PGR: variants seen among roughly 807,000 people sequenced by gnomAD.
PGR encodes the protein progesterone receptor, also known as nuclear receptor subfamily 3 group C member 3.
Under a neutral mutation model 76.1 loss-of-function variants are expected in PGR, and 25 were observed. The observed-to-expected ratio is 0.33, with a 90% CI of 0.24 to 0.46. PGR has a LOEUF of 0.46. Among genes scored for constraint, PGR ranks in the 20% least tolerant of loss-of-function variants. PGR has a pLI of 1.00. For synonymous variants in PGR, 579 were observed against 535.0 expected (o/e 1.08, Z -1.14); for missense variants, 1,172 against 1,225.3 (o/e 0.96, Z 0.65).
chr11:101,077,721 A>G (rs1861173635), intron 3 of PGR, among the ~76,000 whole-genome samples: 2 of 152,212 alleles, frequency 1.3e-5, no homozygotes, highest in African/African-American at 4.8e-5. Context: ...CATGTGTGAG[A>G]TGGTGTTTAG....
chr11:101,029,868 T>C lies in PGR; in HGVS notation c.*9248A>G, dbSNP rs1386285996. On this transcript the variant is annotated 3_prime_UTR_variant, in exon 8 of 8. Transcript: ENST00000325455. ...GCATATTAGCTTGAAAATAAGTATA[T>C]GATGATGATATTAGGTGCCCACTAG... The C allele has an allele frequency of 1.8e-5, 4 of 222,236 alleles. No homozygotes were observed. Among genetic ancestry groups the C allele is most frequent in the African/African-American group, 2.2e-5 (1 of 44,758 alleles). The allele number at this position is 222,236 out of a possible 1,614,324, so 13.8% of individuals were successfully genotyped here. A position where few individuals can be genotyped will look rare whatever the true frequency, so the allele number is the denominator to read the frequency against.
intron 4 of PGR, among the ~76,000 whole-genome samples, chr11:101,060,714 T>A (rs1378783399): frequency 2.0e-5 from 3 of 152,182 alleles, no homozygotes; most frequent in East Asian, 1.9e-4. Flanking sequence ...GAGACTTTGA[T>A]AATCTCAATG....
At chr11:101,075,568 C>T (rs1366758374) in intron 3 of PGR, among the ~76,000 whole-genome samples, 1 of 150,678 alleles carries the variant, frequency 6.6e-6, no homozygotes, top group Non-Finnish European at 1.5e-5. Context: ...TGCAATTTAT[C>T]CATCTAACAA....
Position 101,039,199 on chromosome 11 carries a change from C to T in PGR, c.2719G>A (p.Glu907Lys), listed in dbSNP as rs763952401. 2 of 1,611,540 alleles carry T rather than the reference C, an allele frequency of 1.2e-6. No individual in the cohort carries two copies. Among genetic ancestry groups the T allele is most frequent in the Non-Finnish European group, 1.7e-6 (2 of 1,178,138 alleles). Residue 907 changes from glutamate to lysine, a missense_variant, in exon 8 of 8, where the codon GAA (glutamate) becomes AAA (lysine). Glu to Lys is a moderately conservative substitution (Grantham distance 56). Transcript: ENST00000325455. ...GCAGCAATAACTTCAGACATCATTT[C>T]TGGAAATTCAACACTCAGTGCCCGG... Reference protein sequence around the residue: ...QSRALSVEFPEMMSEVIAAQL... With the variant: ...QSRALSVEFPKMMSEVIAAQL...
At chr11:101,083,227 G>A (rs1861368867) in intron 3 of PGR, among the ~76,000 whole-genome samples, 1 of 152,236 alleles carries the variant, frequency 6.6e-6, no homozygotes. Context: ...CGGGTATGAA[G>A]AAGGCAAGAG....
chr11:101,046,126 T>C (rs943284125), intron 6 of PGR, among the ~76,000 whole-genome samples: 2 of 150,494 alleles, frequency 1.3e-5, no homozygotes, highest in East Asian at 3.9e-4. Flanking sequence ...TATTTATTTA[T>C]TTATTTATTT....
chr11:101,127,628 C>G lies in PGR; in HGVS notation c.1443G>C (p.Lys481Asn). 1 of 1,339,936 alleles carries G rather than the reference C, an allele frequency of 7.5e-7. No individual in the cohort carries two copies. Among genetic ancestry groups the G allele is most frequent in the Non-Finnish European group, 9.5e-7 (1 of 1,053,986 alleles). The allele number at this position is 1,339,936 out of a possible 1,614,324, so 83.0% of individuals were successfully genotyped here. A position where few individuals can be genotyped will look rare whatever the true frequency, so the allele number is the denominator to read the frequency against. ...GCAGGCAGCCGCTCGCGCCCGGCGC[C>G]TTGCAGGGCGGCGGCGCGAACGGGC... ...QQGPFAPPPC[K>N]APGASGCLLP... is the part of the protein sequence containing the mutation. Residue 481 changes from lysine to asparagine, a missense_variant, in exon 1 of 8, where the codon AAG (lysine) becomes AAC (asparagine). By Grantham distance (94) the Lys-to-Asn change is moderately conservative (BLOSUM62 0). Around this residue, in one of 4 missense-constraint regions of PGR, gnomAD observed 893 missense variants for 785.9 expected, o/e 1.14. Coordinates refer to ENST00000325455, the MANE Select transcript of PGR (RefSeq NM_000926.4).
Position 101,038,961 on chromosome 11 carries a change from T to C in PGR, c.*155A>G. On this transcript the variant is annotated 3_prime_UTR_variant, in exon 8 of 8. Coordinates refer to ENST00000325455, the MANE Select transcript of PGR (RefSeq NM_000926.4). ...ATTATACTTTATAAAAGAAAATAAT[T>C]AGAACCTCACAATTTTTCTTTTAAA... 2 of 574,134 alleles carry C rather than the reference T, an allele frequency of 3.5e-6. No individual in the cohort carries two copies. The highest frequency in any genetic ancestry group is 2.9e-5 in the East Asian group (1 of 34,910). The allele number at this position is 574,134 out of a possible 1,614,324, so 35.6% of individuals were successfully genotyped here. A position where few individuals can be genotyped will look rare whatever the true frequency, so the allele number is the denominator to read the frequency against.
chr11:101,099,896 C>G (rs1346357287), intron 2 of PGR, among the ~76,000 whole-genome samples: 1 of 152,202 alleles, frequency 6.6e-6, no homozygotes. Context: ...GGGTCAAAAT[C>G]AGCTGTCATT....
intron 5 of PGR, chr11:101,050,952 GA>G: frequency 4.0e-6 from 1 of 249,508 alleles, no homozygotes. Flanking sequence ...ATATTACCAT[GA>G]AAAGATTCTT....
At position 101,032,244 on chromosome 11, in the gene PGR, C is replaced by A. The variant is rs985892327; in HGVS notation, c.*6872G>T. 2.6e-5 allele frequency: 6 copies of A among 232,852 alleles called. No homozygotes were observed. The highest frequency in any genetic ancestry group is 5.1e-5 in the Non-Finnish European group (6 of 117,904). The allele number at this position is 232,852 out of a possible 1,614,324, so 14.4% of individuals were successfully genotyped here. On this transcript the variant is annotated 3_prime_UTR_variant, in exon 8 of 8. Transcript: ENST00000325455. The stretch of plus-strand genomic sequence containing the variant: ...TTAGAGAGGAGGTCATGATCACCTA[C>A]AATTCTTCATGTTTATGATCATCAT...
chr11:101,032,273 C>A lies in PGR; in HGVS notation c.*6843G>T, dbSNP rs1859377068. On this transcript the variant is annotated 3_prime_UTR_variant, in exon 8 of 8. Coordinates refer to ENST00000325455, the MANE Select transcript of PGR (RefSeq NM_000926.4). Reference sequence around the variant, plus strand: ...TCTTCATGTTTATGATCATCATTTTCACCAAAATAGTGCAACTTCCTCAAA... The same window carrying A: ...TCTTCATGTTTATGATCATCATTTTAACCAAAATAGTGCAACTTCCTCAAA... The A allele has an allele frequency of 2.1e-5, 5 of 232,850 alleles. No homozygotes were observed. The highest frequency in any genetic ancestry group is 4.2e-5 in the Non-Finnish European group (5 of 117,926). 14.4% of individuals were successfully genotyped at this position (232,850 alleles called of 1,614,324 possible).
rs1192431569 is a variant in PGR, at chr11:101,129,664, G to C, written c.-594C>G. ...CGTACTGCGGGCGACAGTCATCTCC[G>C]AAGATCTCAGATCCCAGTAGTGCGG... On this transcript the variant is annotated 5_prime_UTR_variant, in exon 1 of 8. Coordinates refer to ENST00000325455, the MANE Select transcript of PGR (RefSeq NM_000926.4). 5.5e-6 allele frequency: 1 copy of C among 181,574 alleles called. No homozygotes were observed. Among genetic ancestry groups the C allele is most frequent in the Non-Finnish European group, 1.2e-5 (1 of 85,234 alleles). 11.2% of individuals were successfully genotyped at this position (181,574 alleles called of 1,614,324 possible).
At chr11:101,125,856 C>T in intron 2 of PGR, 151 bp downstream of exon 2, 2 of 733,116 alleles carry the variant, frequency 2.7e-6, no homozygotes, top group East Asian at 2.8e-5. Context: ...TAAATAAAAA[C>T]ATATTGTTAA....
At chr11:101,088,823 C>T (rs1353402282) in intron 3 of PGR, among the ~76,000 whole-genome samples, 1 of 152,140 alleles carries the variant, frequency 6.6e-6, no homozygotes, top group African/African-American at 2.4e-5. Context: ...GAAAATGTGG[C>T]ATATATACAC....
intron 1 of PGR, 116 bp from the exon 2 acceptor site, chr11:101,126,274 T>C (rs1015023192): frequency 1.1e-6 from 1 of 917,336 alleles, no homozygotes; most frequent in Non-Finnish European, 1.7e-6. Context: ...CAGAACTGTA[T>C]ATATACACTT....
chr11:101,071,871 C>T lies in PGR; in HGVS notation c.1907-9119G>A, dbSNP rs1236848440. ...GTTTGATTGGTGTACCTGAAAGTGA[C>T]GGGGAGAATGGAACCAAGTTGGAAA... On this transcript the variant is annotated intron_variant, in intron 3 of 7. Transcript: ENST00000325455. Among the ~76,000 whole-genome samples the T allele has an allele frequency of 9.2e-5, 14 of 152,126 alleles. No individual in the cohort carries two copies. The South Asian group carries it at 1.7e-3, about 18-fold the overall frequency.
chr11:101,113,751 A>C (rs948647638), intron 2 of PGR, among the ~76,000 whole-genome samples: 5 of 152,148 alleles, frequency 3.3e-5, no homozygotes, highest in Non-Finnish European at 7.4e-5. Context: ...GCTATCAGGC[A>C]CTACCAGCCT....
At chr11:101,069,382 A>T (rs1030491688) in intron 3 of PGR, among the ~76,000 whole-genome samples, 6 of 152,246 alleles carry the variant, frequency 3.9e-5, no homozygotes, top group Admixed American at 2.6e-4. Context: ...GAGGATGTGG[A>T]GAAATAGGAA....
Sources: allele counts gnomAD v4.1 joint callset (sites outside exome capture counted in the v4.1 genomes callset), GRCh38; gene constraint gnomAD v4.1.1; regional missense constraint gnomAD v4.1.1; transcripts MANE v1.5; gene names NCBI Gene and HGNC (gene_info 2026-07-23, HGNC 2026-07-21).